UNC79: variants seen among roughly 807,000 people sequenced by gnomAD.
The protein encoded by UNC79 is unc-79 subunit of NALCN channel complex, also known as protein unc-79 homolog.
Under a neutral mutation model 283.1 loss-of-function variants are expected in UNC79, and 37 were observed. That is an observed-to-expected ratio of 0.13 (90% CI 0.10 to 0.17). The LOEUF (loss-of-function observed/expected upper bound fraction) is 0.17. UNC79 is among the 10% of genes least tolerant of loss of function. The probability of loss-of-function intolerance (pLI) is 1.00; values close to 1 mark genes in which losing one functional copy is unlikely to be tolerated. For missense variants in UNC79, 2,272 were observed against 3,211.1 expected (o/e 0.71, Z 7.07); for synonymous variants, 1,107 against 1,200.2 (o/e 0.92, Z 1.61).
At chr14:93,675,596 T>G (rs1027657185) in intron 41 of UNC79, among the ~76,000 whole-genome samples, 1 of 152,192 alleles carries the variant, frequency 6.6e-6, no homozygotes, top group East Asian at 1.9e-4. Context: ...GTAGAGAAGA[T>G]GAGGAACAAC....
At chr14:93,338,039 C>G (rs2053617962) in intron 1 of UNC79, among the ~76,000 whole-genome samples, 1 of 152,180 alleles carries the variant, frequency 6.6e-6, no homozygotes, top group Non-Finnish European at 1.5e-5. Context: ...TCACATACCC[C>G]TCACTGCTCT....
intron 14 of UNC79, among the ~76,000 whole-genome samples, chr14:93,569,567 G>C (rs1475544093): frequency 6.6e-6 from 1 of 152,232 alleles, no homozygotes; most frequent in Non-Finnish European, 1.5e-5. Flanking sequence ...TGGTCTTAGA[G>C]GATTTCCAGG....
intron 1 of UNC79, among the ~76,000 whole-genome samples, chr14:93,362,088 G>A (rs1383947743): frequency 6.6e-6 from 1 of 152,120 alleles, no homozygotes; most frequent in Non-Finnish European, 1.5e-5. Flanking sequence ...GATTTGGTTT[G>A]GTAGTATTTG....
At chr14:93,633,988 C>T (rs1403559373) in intron 31 of UNC79, among the ~76,000 whole-genome samples, 1 of 151,972 alleles carries the variant, frequency 6.6e-6, no homozygotes, top group Non-Finnish European at 1.5e-5. Context: ...TGACTGGTTC[C>T]AAGTCATATA....
intron 14 of UNC79, among the ~76,000 whole-genome samples, chr14:93,547,272 G>A (rs576606451): frequency 6.6e-6 from 1 of 152,218 alleles, no homozygotes; most frequent in South Asian, 2.1e-4. Context: ...TGTAACCTAA[G>A]GACAGTTAAA....
intron 1 of UNC79, among the ~76,000 whole-genome samples, chr14:93,369,688 G>T (rs1340069192): frequency 6.6e-6 from 1 of 152,212 alleles, no homozygotes; most frequent in Non-Finnish European, 1.5e-5. Flanking sequence ...CCTCTAGGCA[G>T]GTCGGCCTGG....
chr14:93,403,733 CAAG>C (rs2055158417), intron 1 of UNC79, among the ~76,000 whole-genome samples: 2 of 151,928 alleles, frequency 1.3e-5, no homozygotes, highest in South Asian at 2.1e-4. Context: ...TTATCAACCA[CAAG>C]AAGAAGCACC....
chr14:93,426,301 CT>C (rs1449830024), upstream of UNC79, among the ~76,000 whole-genome samples: 3 of 151,766 alleles, frequency 2.0e-5, no homozygotes, highest in African/African-American at 7.3e-5. Context: ...ATCTGATGTG[CT>C]TAAGGCTTGA....
chr14:93,409,528 C>T (rs1005673026), intron 1 of UNC79, among the ~76,000 whole-genome samples: 2 of 151,900 alleles, frequency 1.3e-5, no homozygotes, highest in Non-Finnish European at 2.9e-5. Context: ...TCCGTCTCTA[C>T]AAAAAATAAA....
In UNC79 at chr14:93,466,169, T is replaced by C. The variant is rs928088132; in HGVS notation, c.23-1502T>C. Among the ~76,000 whole-genome samples, 3 of 152,350 alleles carry C rather than the reference T, an allele frequency of 2.0e-5. No homozygotes were observed. The South Asian group carries it at 6.2e-4, about 32-fold the overall frequency. ...GCTGATGTGTTACATAGACTCAAGG[T>C]ATTATTATCTGCAATCTAGACTTAT... On this transcript the variant is annotated intron_variant, in intron 1 of 48. Coordinates refer to ENST00000555664, the Ensembl canonical transcript of UNC79.
In UNC79 at chr14:93,465,055, A is replaced by G. The variant is rs146548672; in HGVS notation, c.23-2616A>G. Among the ~76,000 whole-genome samples, 432 of 152,242 alleles carry G rather than the reference A, an allele frequency of 2.8e-3. 1 individual carries two copies. Among genetic ancestry groups the G allele is most frequent in the Admixed American group, 4.2e-3 (64 of 15,292 alleles). On this transcript the variant is annotated intron_variant, in intron 1 of 48. Transcript: ENST00000555664. ...TGAACATTTTTTTCAATCTGTTCTAAAAATGGTCTTTCATGATTACTCACC... is the reference window on the plus strand; with the variant it reads ...TGAACATTTTTTTCAATCTGTTCTAGAAATGGTCTTTCATGATTACTCACC...
rs1595792927 is a variant in UNC79 at position 93,538,848 on chromosome 14, C to T, written c.1352+630C>T. ...GCAATTGAAATAACTTCTACCCTTC[C>T]TCTCTTTTTGTCTGATACTCATAGA... On this transcript the variant is annotated intron_variant, in intron 12 of 48. Transcript: ENST00000555664. Among the ~76,000 whole-genome samples the T allele has an allele frequency of 2.0e-5, 3 of 149,722 alleles. No homozygotes were observed. The South Asian group carries it at 6.3e-4, about 31-fold the overall frequency.
chr14:93,456,710 T>G (rs1420211251), intron 1 of UNC79, among the ~76,000 whole-genome samples: 2 of 152,200 alleles, frequency 1.3e-5, no homozygotes, highest in African/African-American at 4.8e-5. Flanking sequence ...ACTCAGAGAA[T>G]GAAAAATATT....
chr14:93,590,463 G>C (rs954909994), intron 22 of UNC79, among the ~76,000 whole-genome samples: 2 of 152,146 alleles, frequency 1.3e-5, no homozygotes, highest in African/African-American at 4.8e-5. Context: ...AAGGAGTGAG[G>C]GAAAAGGGTC....
chr14:93,338,604 G>A (rs1381818696), intron 1 of UNC79, among the ~76,000 whole-genome samples: 6 of 152,118 alleles, frequency 3.9e-5, no homozygotes, highest in Admixed American at 3.9e-4. Context: ...CAACCAAACA[G>A]GAATGACAAA....
chr14:93,529,354 A>C (rs1477978010), intron 10 of UNC79, 28 bp downstream of exon 10: 1 of 1,612,146 alleles, frequency 6.2e-7, no homozygotes. Context: ...AAGGATGAAT[A>C]ATGAGTAATC....
chr14:93,542,789 A>G (rs1338454378), intron 14 of UNC79, 93 bp downstream of exon 14: 1 of 1,180,950 alleles, frequency 8.5e-7, no homozygotes, highest in African/African-American at 1.5e-5. Context: ...GTGTCTGCAG[A>G]GGAGGAACAT....
chr14:93,522,530 T>A (rs1016861286), intron 7 of UNC79, among the ~76,000 whole-genome samples: 3 of 152,130 alleles, frequency 2.0e-5, no homozygotes, highest in Non-Finnish European at 4.4e-5. Flanking sequence ...TAAAGGCAGC[T>A]TTTTCCTCTA....
intron 14 of UNC79, among the ~76,000 whole-genome samples, chr14:93,549,510 GGTTA>G (rs1371918952): frequency 6.6e-6 from 1 of 151,970 alleles, no homozygotes; most frequent in African/African-American, 2.4e-5. Flanking sequence ...AAAGCATTTG[GGTTA>G]GTTCCTATAT....
Sources: allele counts gnomAD v4.1 joint callset (sites outside exome capture counted in the v4.1 genomes callset), GRCh38; gene constraint gnomAD v4.1.1; transcripts MANE v1.5; gene names NCBI Gene and HGNC (gene_info 2026-07-23, HGNC 2026-07-21).